The following PM20D2 variants were observed in gnomAD, a reference collection of about 807,000 sequenced individuals.
The protein encoded by PM20D2 is xaa-Arg dipeptidase.
A neutral mutation model predicts 42.9 loss-of-function variants in PM20D2; 33 were observed. The observed-to-expected ratio is 0.77, with a 90% CI of 0.58 to 1.03. PM20D2 has a LOEUF of 1.03. Ranked by LOEUF, PM20D2 falls within the 50% of genes least tolerant of loss-of-function variation. PM20D2 has a pLI of 0.00. For synonymous variants in PM20D2, 250 were observed against 228.2 expected (o/e 1.10, Z -0.86); for missense variants, 548 against 557.0 (o/e 0.98, Z 0.16).
At chr6:89,106,597 A>T in the PM20D2 span, 1 of 159,594 alleles carries the variant, frequency 6.3e-6, no homozygotes, top group Non-Finnish European at 1.4e-5. Context: ...AACTTTTTTT[A>T]GGAGGTTGTT....
the PM20D2 span, chr6:89,107,096 A>G: frequency 2.2e-6 from 3 of 1,366,666 alleles, no homozygotes; most frequent in Non-Finnish European, 3.1e-6. Context: ...CTGAATACAT[A>G]TATGTATAAG....
At chr6:89,096,587 G>A in the PM20D2 span, 2 of 152,166 alleles carry the variant, frequency 1.3e-5, no homozygotes, top group Non-Finnish European at 2.9e-5. Flanking sequence ...ATATGTTCAG[G>A]AATACAGAGA....
chr6:89,149,375 A>G lies in PM20D2; in HGVS notation c.576A>G (p.Gln192=). Residue 192 remains glutamine (Q), a synonymous_variant, in exon 2 of 7, where the codon CAA becomes CAG. Coordinates refer to ENST00000275072, the MANE Select transcript of PM20D2 (RefSeq NM_001010853.3). ...TTGTTTTTATGGCCCACCCATCACA[A>G]GAGAATGCTGCTTATCTACCAGATA... ...LDVVFMAHPS[Q]ENAAYLPDMA... 3 of 1,614,116 alleles carry G rather than the reference A, an allele frequency of 1.9e-6. No individual in the cohort carries two copies. Among genetic ancestry groups the G allele is most frequent in the Non-Finnish European group, 2.5e-6 (3 of 1,179,980 alleles).
the PM20D2 span, among the ~76,000 whole-genome samples, chr6:89,116,514 C>G: frequency 6.6e-6 from 1 of 152,132 alleles, no homozygotes; most frequent in Admixed American, 6.6e-5. Flanking sequence ...GTGGCTCATG[C>G]CTGTAATCTC....
At chr6:89,110,702 C>G in the PM20D2 span, among the ~76,000 whole-genome samples, 474 of 152,300 alleles carry the variant, frequency 3.1e-3, 10 homozygotes, top group Non-Finnish European at 8.8e-4. Flanking sequence ...AGACCCTATT[C>G]TCCTGCTTCA....
the PM20D2 span, chr6:89,106,819 T>C: frequency 2.7e-6 from 1 of 365,910 alleles, no homozygotes; most frequent in Non-Finnish European, 5.3e-6. Context: ...AGCCGAAGTC[T>C]CAACCTGGTG....
upstream of PM20D2, among the ~76,000 whole-genome samples, chr6:89,144,126 A>G (rs1474438595): frequency 2.6e-5 from 4 of 152,220 alleles, no homozygotes; most frequent in African/African-American, 4.8e-5. Context: ...TGTCAACAGT[A>G]GAAACTGAAT....
the PM20D2 span, among the ~76,000 whole-genome samples, chr6:89,099,997 A>G: frequency 6.6e-6 from 1 of 152,228 alleles, no homozygotes; most frequent in Non-Finnish European, 1.5e-5. Context: ...GAGCCCAACC[A>G]GAAAATGGCT....
chr6:89,140,207 T>C, the PM20D2 span, among the ~76,000 whole-genome samples: 5 of 152,258 alleles, frequency 3.3e-5, no homozygotes, highest in African/African-American at 1.2e-4. Flanking sequence ...CTTGGCCTCC[T>C]AACATGCTGG....
the PM20D2 span, chr6:89,098,996 A>T: frequency 6.5e-7 from 1 of 1,532,270 alleles, no homozygotes. Context: ...AAAATAAGAG[A>T]TCAGGAAATA....
chr6:89,113,038 A>C, the PM20D2 span, among the ~76,000 whole-genome samples: 1 of 152,238 alleles, frequency 6.6e-6, no homozygotes, highest in South Asian at 2.1e-4. Context: ...ACTGTGTAGT[A>C]GGTTTGGGTT....
chr6:89,146,220 C>A lies in PM20D2; in HGVS notation c.76C>A (p.Arg26Ser), dbSNP rs766101002. Residue 26 changes from arginine (R) to serine (S), a missense_variant, in exon 1 of 7, where the codon CGC becomes AGC. Physicochemically the swap from Arg to Ser is moderately radical, Grantham distance 110 (BLOSUM62 -1). Transcript: ENST00000275072. ...CTCCGAGCTGGAGCTACTGAAGCTG[C>A]GCTCGGCGGAGTGCATCGACGAGGC... is the stretch of plus-strand genomic sequence containing the variant. The part of the protein sequence containing the change: ...GRSELELLKL[R>S]SAECIDEAAE... 1 of 1,570,144 alleles carries A rather than the reference C, an allele frequency of 6.4e-7. No homozygotes were observed.
At chr6:89,106,141 A>G in the PM20D2 span, among the ~76,000 whole-genome samples, 1 of 152,098 alleles carries the variant, frequency 6.6e-6, no homozygotes, top group Non-Finnish European at 1.5e-5. Context: ...TGTTTTTGAG[A>G]TGGAGTTTCC....
At position 89,155,012 on chromosome 6, in the gene PM20D2, T is replaced by C. The variant is rs1042086137; in HGVS notation, c.912+110T>C. ...CTCTTATTTGGTGACATGTTGAATA[T>C]GCAAAATGAATTGGCTGAATAGTTA... On this transcript the variant is annotated intron_variant, in intron 4 of 6. Coordinates refer to ENST00000275072, the MANE Select transcript of PM20D2 (RefSeq NM_001010853.3). 5 of 1,002,086 alleles carry C rather than the reference T, an allele frequency of 5.0e-6. No homozygotes were observed. The African/African-American group carries it at 5.0e-5, about 10-fold the overall frequency. 62.1% of individuals were successfully genotyped at this position (1,002,086 alleles called of 1,614,324 possible).
chr6:89,117,599 G>T, the PM20D2 span, among the ~76,000 whole-genome samples: 1 of 152,172 alleles, frequency 6.6e-6, no homozygotes, highest in Non-Finnish European at 1.5e-5. Flanking sequence ...CACGATGTGC[G>T]CGGCGCCGGG....
chr6:89,160,720 G>A (rs1478533851), intron 5 of PM20D2, among the ~76,000 whole-genome samples: 10 of 152,188 alleles, frequency 6.6e-5, no homozygotes, highest in Non-Finnish European at 1.5e-5. Context: ...AAATTAAAAA[G>A]TACTGTAAAG....
chr6:89,101,423 G>GA, the PM20D2 span, among the ~76,000 whole-genome samples: 1 of 152,028 alleles, frequency 6.6e-6, no homozygotes, highest in East Asian at 1.9e-4. Context: ...CAAAGTCAAA[G>GA]AAAAAATCTG....
At chr6:89,133,025 C>A in the PM20D2 span, among the ~76,000 whole-genome samples, 2 of 150,520 alleles carry the variant, frequency 1.3e-5, no homozygotes, top group Non-Finnish European at 2.9e-5. Context: ...GAGTTTGAGA[C>A]CAGCTTAGGC....
At chr6:89,148,005 A>G (rs747460663) in intron 1 of PM20D2, among the ~76,000 whole-genome samples, 67 of 120,022 alleles carry the variant, frequency 5.6e-4, no homozygotes, top group Non-Finnish European at 8.0e-4. Context: ...TTTTTTTGAG[A>G]CAGTCTCATT....
Sources: gnomAD v4.1 joint callset for allele counts (sites outside exome capture counted in the v4.1 genomes callset) on GRCh38, gnomAD v4.1.1 for gene constraint, MANE v1.5 for transcripts, NCBI Gene and HGNC (gene_info 2026-07-23, HGNC 2026-07-21) for gene names.